The following TCF7L1 variants were observed in gnomAD, a reference collection of about 807,000 sequenced individuals.
TCF7L1 encodes transcription factor 7 like 1, also known as transcription factor 7-like 1.
Under a neutral mutation model 63.7 loss-of-function variants are expected in TCF7L1, and 18 were observed. That is an observed-to-expected ratio of 0.28 (90% CI 0.20 to 0.42). The LOEUF is 0.42. Among genes scored for constraint, TCF7L1 ranks in the 10% least tolerant of loss-of-function variants. The probability of loss-of-function intolerance (pLI) is 1.00; values close to 1 mark genes in which losing one functional copy is unlikely to be tolerated. For synonymous variants in TCF7L1, 355 were observed against 340.9 expected (o/e 1.04, Z -0.46); for missense variants, 654 against 779.3 (o/e 0.84, Z 1.91).
chr2:85,215,190 C>T (rs1679671749), intron 3 of TCF7L1, among the ~76,000 whole-genome samples: 1 of 152,210 alleles, frequency 6.6e-6, no homozygotes, highest in African/African-American at 2.4e-5. Flanking sequence ...GTTGCCCTCT[C>T]TCAGGTTCCG....
At chr2:85,210,890 G>A (rs185836874) in intron 3 of TCF7L1, among the ~76,000 whole-genome samples, 7 of 152,306 alleles carry the variant, frequency 4.6e-5, no homozygotes, top group Non-Finnish European at 1.0e-4. Context: ...GAGAATCGCA[G>A]CAACCTGCCT....
chr2:85,261,123 GGTGTGTGTGTGTGTGTGTGTGT>G (rs3223762), intron 3 of TCF7L1, among the ~76,000 whole-genome samples: 1 of 106,774 alleles, frequency 9.4e-6, no homozygotes, highest in South Asian at 3.0e-4. Context: ...AATTATTGCT[GGTGTGTGTGTGTGTGTGTGTGT>G]GTGTGTGTGT....
At chr2:85,199,355 T>C (rs1679225034) in intron 3 of TCF7L1, among the ~76,000 whole-genome samples, 1 of 152,218 alleles carries the variant, frequency 6.6e-6, no homozygotes, top group African/African-American at 2.4e-5. Context: ...ATCCCAGTTC[T>C]ACTGAGTTCT....
At chr2:85,146,628 A>T (rs1297351927) in intron 3 of TCF7L1, among the ~76,000 whole-genome samples, 1 of 150,638 alleles carries the variant, frequency 6.6e-6, no homozygotes, top group Non-Finnish European at 1.5e-5. Context: ...CAGCCTCCTG[A>T]GTAGCTGGGA....
intron 3 of TCF7L1, among the ~76,000 whole-genome samples, chr2:85,193,965 G>A (rs1679093066): frequency 6.7e-6 from 1 of 149,020 alleles, no homozygotes; most frequent in Non-Finnish European, 1.5e-5. Flanking sequence ...GTATTTAAAA[G>A]TTTAAAAAAA....
At chr2:85,264,729 G>C (rs1174297200) in intron 3 of TCF7L1, among the ~76,000 whole-genome samples, 2 of 152,114 alleles carry the variant, frequency 1.3e-5, no homozygotes, top group South Asian at 4.1e-4. Context: ...GCCTAGCCTG[G>C]ATGCTTGAAA....
At chr2:85,308,438 T>C (rs1573037098) in intron 11 of TCF7L1, among the ~76,000 whole-genome samples, 1 of 67,030 alleles carries the variant, frequency 1.5e-5, no homozygotes, top group Non-Finnish European at 2.6e-5. Context: ...CTTTTCTCCC[T>C]CCCTTTCTCT....
chr2:85,239,562 T>C (rs1232649590), intron 3 of TCF7L1, among the ~76,000 whole-genome samples: 1 of 152,208 alleles, frequency 6.6e-6, no homozygotes, highest in Admixed American at 6.5e-5. Context: ...TGGATGACTT[T>C]GCACCAATCT....
chr2:85,275,330 A>G (rs1371208170), intron 3 of TCF7L1, among the ~76,000 whole-genome samples: 1 of 152,222 alleles, frequency 6.6e-6, no homozygotes, highest in Non-Finnish European at 1.5e-5. Context: ...CCAGTTTTTA[A>G]AAACAAACCT....
intron 3 of TCF7L1, among the ~76,000 whole-genome samples, chr2:85,168,193 A>ACACG (rs1491101526): frequency 4.8e-5 from 2 of 41,342 alleles, no homozygotes; most frequent in African/African-American, 1.2e-4. Flanking sequence ...TTCTTACCAA[A>ACACG]CACACACACA....
At chr2:85,186,639 T>C (rs1380113687) in intron 3 of TCF7L1, 2 of 152,212 alleles carry the variant, frequency 1.3e-5, no homozygotes, top group Admixed American at 6.5e-5. Flanking sequence ...ATTTGATTCG[T>C]TGGGAGTTGG....
intron 3 of TCF7L1, among the ~76,000 whole-genome samples, chr2:85,281,231 G>A (rs1681411620): frequency 6.6e-6 from 1 of 152,000 alleles, no homozygotes; most frequent in Non-Finnish European, 1.5e-5. Context: ...CACCATGTTG[G>A]CCAGGCTGGT....
At chr2:85,158,959 G>T (rs1678217767) in intron 3 of TCF7L1, among the ~76,000 whole-genome samples, 1 of 152,212 alleles carries the variant, frequency 6.6e-6, no homozygotes, top group South Asian at 2.1e-4. Flanking sequence ...AAATCTACCT[G>T]CATTTCCATG....
chr2:85,283,443 C>T (rs753619237), intron 3 of TCF7L1, 52 bp from the exon 4 acceptor site: 46 of 1,604,240 alleles, frequency 2.9e-5, no homozygotes, highest in Non-Finnish European at 3.6e-5. Flanking sequence ...ACTTTGAGTA[C>T]TTGTGAGGCC....
intron 3 of TCF7L1, among the ~76,000 whole-genome samples, chr2:85,225,083 TG>T (rs1679928169): frequency 6.6e-6 from 1 of 152,202 alleles, no homozygotes; most frequent in African/African-American, 2.4e-5. Context: ...AAAGATCAGA[TG>T]GTTGTAGATG....
chr2:85,238,762 C>T lies in TCF7L1; in HGVS notation c.442-44733C>T, dbSNP rs1284561236. ...TACTTTAGGTTGGATGGACAGGGAA[C>T]AATCTTTTGGAGCATTTTATTTATT... On this transcript the variant is annotated intron_variant, in intron 3 of 11. Coordinates refer to ENST00000282111, the MANE Select transcript of TCF7L1 (RefSeq NM_031283.3). Among the ~76,000 whole-genome samples, 6 of 151,512 alleles carry T rather than the reference C, an allele frequency of 4.0e-5. No homozygotes were observed. The East Asian group carries it at 1.2e-3, about 29-fold the overall frequency.
Position 85,303,967 on chromosome 2 carries a change from T to TCC in TCF7L1, c.735_736dup (p.His246ProfsTer32). 3 of 1,610,058 alleles carry TCC rather than the reference T, an allele frequency of 1.9e-6. No individual in the cohort carries two copies. Among genetic ancestry groups the TCC allele is most frequent in the Non-Finnish European group, 2.5e-6 (3 of 1,178,536 alleles). On this transcript the variant is annotated frameshift_variant, in exon 6 of 12. Transcript: ENST00000282111. LOFTEE classifies it high-confidence loss of function. Reference sequence around the variant, plus strand: ...CTCTCTCCCGGAGCTGTCGGACAAATCCCCCACCCCCTCGGCTGGCTCGTC... The same window carrying TCC: ...CTCTCTCCCGGAGCTGTCGGACAAATCCCCCCCACCCCCTCGGCTGGCTCGTC...
chr2:85,239,597 AAATG>A (rs1216313674), intron 3 of TCF7L1, among the ~76,000 whole-genome samples: 1 of 152,206 alleles, frequency 6.6e-6, no homozygotes, highest in African/African-American at 2.4e-5. Context: ...TGTCCAATAA[AAATG>A]AAATATAAGC....
intron 4 of TCF7L1, among the ~76,000 whole-genome samples, chr2:85,299,665 G>A (rs1245371644): frequency 2.0e-5 from 3 of 151,776 alleles, no homozygotes; most frequent in Admixed American, 6.6e-5. Context: ...GCAGGAGTTC[G>A]AGAACAGCCT....
Sources: allele counts gnomAD v4.1 joint callset (sites outside exome capture counted in the v4.1 genomes callset), GRCh38; gene constraint gnomAD v4.1.1; transcripts MANE v1.5; gene names NCBI Gene and HGNC (gene_info 2026-07-23, HGNC 2026-07-21).